Variants in TYW1 observed in about 807,000 individuals in gnomAD.
The protein encoded by TYW1 is S-adenosyl-L-methionine-dependent tRNA 4-demethylwyosine synthase TYW1.
Under a neutral mutation model 96.2 loss-of-function variants are expected in TYW1, and 46 were observed. The ratio of observed to expected loss-of-function variants is 0.48; its 90% CI spans 0.38 to 0.61. The LOEUF (loss-of-function observed/expected upper bound fraction) is 0.61, where lower values mean the gene tolerates loss of function less well. Among genes scored for constraint, TYW1 ranks in the 20% least tolerant of loss-of-function variants. The pLI is 0.00. For missense variants in TYW1, 684 were observed against 909.6 expected (o/e 0.75, Z 3.19); for synonymous variants, 274 against 323.0 (o/e 0.85, Z 1.63).
At chr7:67,115,660 C>T (rs1478839556) in intron 12 of TYW1, among the ~76,000 whole-genome samples, 1 of 152,096 alleles carries the variant, frequency 6.6e-6, no homozygotes, top group Non-Finnish European at 1.5e-5. Context: ...TAAAAAGTAG[C>T]TTTAATATCT....
chr7:67,072,984 A>G (rs1429105421), intron 10 of TYW1, among the ~76,000 whole-genome samples: 2 of 95,530 alleles, frequency 2.1e-5, no homozygotes, highest in Admixed American at 3.1e-4. Context: ...GGGTCTTGCT[A>G]TGTTTCTCAA....
intron 4 of TYW1, among the ~76,000 whole-genome samples, chr7:67,012,468 A>G (rs943581870): frequency 1.3e-5 from 2 of 152,174 alleles, no homozygotes; most frequent in Non-Finnish European, 2.9e-5. Context: ...CCCCAAGAAA[A>G]TGTACTGGTG....
intron 14 of TYW1, among the ~76,000 whole-genome samples, chr7:67,188,693 A>C (rs1800105905): frequency 1.3e-5 from 2 of 152,166 alleles, no homozygotes; most frequent in African/African-American, 2.4e-5. Flanking sequence ...GTTTGGTAAA[A>C]AGGAAAAGTC....
At chr7:67,181,602 A>C (rs912004111) in intron 13 of TYW1, among the ~76,000 whole-genome samples, 2 of 150,080 alleles carry the variant, frequency 1.3e-5, no homozygotes, top group African/African-American at 4.9e-5. Context: ...CATCCCTTTC[A>C]CTTTACTGTT....
At chr7:66,997,776 G>A (rs1200628278) in intron 1 of TYW1, among the ~76,000 whole-genome samples, 4 of 151,856 alleles carry the variant, frequency 2.6e-5, no homozygotes, top group Admixed American at 2.6e-4. Context: ...TTACAGGTGC[G>A]CGCCACCACG....
intron 10 of TYW1, among the ~76,000 whole-genome samples, chr7:67,070,264 A>G (rs1034057445): frequency 6.6e-6 from 1 of 152,118 alleles, no homozygotes; most frequent in Non-Finnish European, 1.5e-5. Flanking sequence ...AGTTCTGTGA[A>G]TTCAAGTCTT....
intron 15 of TYW1, among the ~76,000 whole-genome samples, chr7:67,232,192 T>C (rs551125335): frequency 5.7e-4 from 87 of 151,860 alleles, no homozygotes; most frequent in Admixed American, 4.9e-3. Flanking sequence ...GATCATGCCA[T>C]TGCACTCCAG....
chr7:67,072,235 A>G (rs1584525635), intron 10 of TYW1, among the ~76,000 whole-genome samples: 1 of 126,190 alleles, frequency 7.9e-6, no homozygotes, highest in African/African-American at 3.0e-5. Context: ...ACCTTTGTTA[A>G]CCCCTCTACC....
chr7:66,997,107 C>A, intron 1 of TYW1, 125 bp downstream of exon 1: 2 of 1,540,632 alleles, frequency 1.3e-6, no homozygotes, highest in Admixed American at 1.9e-5. Context: ...CTTGACAGCA[C>A]CGGCTAGTCG....
chr7:67,176,413 G>C lies in TYW1; in HGVS notation c.1699-6713G>C, dbSNP rs1799671732. On this transcript the variant is annotated intron_variant, in intron 13 of 15. Transcript: ENST00000359626. Reference sequence around the variant, plus strand: ...TGGCTACCCTGAATTGAGCCGTGCTGTGCATTGGAATTTAAAGACTACACT... The same window carrying C: ...TGGCTACCCTGAATTGAGCCGTGCTCTGCATTGGAATTTAAAGACTACACT... Among the ~76,000 whole-genome samples the C allele has an allele frequency of 1.3e-5, 2 of 152,186 alleles. 1 individual carries two copies. The highest frequency in any genetic ancestry group is 4.1e-4 in the South Asian group (2 of 4,836).
intron 13 of TYW1, among the ~76,000 whole-genome samples, chr7:67,135,118 C>G (rs956273403): frequency 6.6e-6 from 1 of 151,628 alleles, no homozygotes; most frequent in Non-Finnish European, 1.5e-5. Flanking sequence ...GACACCCTGT[C>G]TAGAATGGAT....
chr7:67,066,031 AC>A (rs869267846), intron 9 of TYW1, among the ~76,000 whole-genome samples: 1 of 81,758 alleles, frequency 1.2e-5, no homozygotes, highest in African/African-American at 5.5e-5. Context: ...ACACACACAC[AC>A]CCACACCCCT....
chr7:67,101,750 G>A (rs894533838), intron 12 of TYW1, among the ~76,000 whole-genome samples: 80 of 152,004 alleles, frequency 5.3e-4, no homozygotes, highest in African/African-American at 1.8e-3. Flanking sequence ...CACCTGCCTC[G>A]GCCTCCCAAA....
chr7:67,062,341 G>A (rs1469228114), intron 9 of TYW1, among the ~76,000 whole-genome samples: 7 of 151,994 alleles, frequency 4.6e-5, no homozygotes, highest in South Asian at 2.1e-4. Flanking sequence ...CCCGGGAGGC[G>A]GAGGTTGCAG....
intron 13 of TYW1, among the ~76,000 whole-genome samples, chr7:67,137,251 T>C (rs1027050547): frequency 6.6e-6 from 1 of 152,146 alleles, no homozygotes; most frequent in Non-Finnish European, 1.5e-5. Flanking sequence ...TCCCACTTAC[T>C]TGCAAGTCAT....
intron 6 of TYW1, among the ~76,000 whole-genome samples, chr7:67,019,980 A>G (rs941278203): frequency 7.2e-5 from 11 of 152,282 alleles, no homozygotes; most frequent in African/African-American, 2.7e-4. Flanking sequence ...ACAGGAAGTG[A>G]TATGACAGAT....
At chr7:67,159,527 G>A (rs1799089818) in intron 13 of TYW1, among the ~76,000 whole-genome samples, 1 of 151,974 alleles carries the variant, frequency 6.6e-6, no homozygotes. Context: ...ATATCACTAA[G>A]GTGTATAAAA....
chr7:67,223,555 A>G (rs1408859036), intron 15 of TYW1, among the ~76,000 whole-genome samples: 2 of 151,306 alleles, frequency 1.3e-5, no homozygotes, highest in Non-Finnish European at 2.9e-5. Flanking sequence ...AAGAGTAGGG[A>G]TGGGGGAAGC....
chr7:67,048,814 G>C (rs1176311553), intron 7 of TYW1, among the ~76,000 whole-genome samples: 4 of 152,200 alleles, frequency 2.6e-5, no homozygotes, highest in Non-Finnish European at 5.9e-5. Context: ...GTAGACATTG[G>C]CCAGCAGTTT....
Sources: gnomAD v4.1 joint callset for allele counts (sites outside exome capture counted in the v4.1 genomes callset) on GRCh38, gnomAD v4.1.1 for gene constraint, MANE v1.5 for transcripts, NCBI Gene and HGNC (gene_info 2026-07-23, HGNC 2026-07-21) for gene names.